KDM4A: variants seen among roughly 807,000 people sequenced by gnomAD.
KDM4A encodes lysine-specific demethylase 4A.
KDM4A carries 23 observed loss-of-function variants against 127.1 expected under a neutral mutation model. The observed-to-expected ratio is 0.18, with a 90% confidence interval of 0.13 to 0.26. The LOEUF is 0.26. Ranked by LOEUF, KDM4A falls within the 10% of genes least tolerant of loss-of-function variation. The pLI is 1.00. For missense variants in KDM4A, 890 were observed against 1,329.1 expected, an observed-to-expected ratio of 0.67 and a Z score of 5.14; for synonymous variants, 443 against 466.5, an observed-to-expected ratio of 0.95 and a Z score of 0.65.
rs1262108317 is a variant in KDM4A at position 43,653,150 on chromosome 1, T to C, written c.-26T>C. 1 of 1,601,498 alleles carries C rather than the reference T, an allele frequency of 6.2e-7. No homozygotes were observed. Among genetic ancestry groups the C allele is most frequent in the Middle Eastern group, 1.7e-4 (1 of 6,000 alleles). Reference sequence around the variant, plus strand: ...GTGTTTCTTCAGATTCCTGTCTGACTAAAGGGACCTCAAAAAGGAGGGAAA... The same window carrying C: ...GTGTTTCTTCAGATTCCTGTCTGACCAAAGGGACCTCAAAAAGGAGGGAAA... On this transcript the variant is annotated 5_prime_UTR_variant, in exon 2 of 22. Coordinates refer to ENST00000372396, the MANE Select transcript of KDM4A (RefSeq NM_014663.3).
At chr1:43,686,556 C>T (rs1660986005) in intron 12 of KDM4A, among the ~76,000 whole-genome samples, 3 of 151,944 alleles carry the variant, frequency 2.0e-5, no homozygotes, top group African/African-American at 2.4e-5. Flanking sequence ...AGGCTTGTCT[C>T]GAACTCCTGA....
intron 10 of KDM4A, among the ~76,000 whole-genome samples, chr1:43,670,494 G>C (rs1660593442): frequency 6.6e-6 from 1 of 151,348 alleles, no homozygotes; most frequent in African/African-American, 2.4e-5. Context: ...CTGGGCTCAA[G>C]CAATCCTCTT....
Position 43,693,882 on chromosome 1 carries a change from G to A in KDM4A, c.2376-112G>A, listed in dbSNP as rs1307140579. On this transcript the variant is annotated intron_variant, in intron 16 of 21. Coordinates refer to ENST00000372396, the MANE Select transcript of KDM4A (RefSeq NM_014663.3). The surrounding 1 kb of genome is among the most constrained non-coding windows in gnomAD (Gnocchi z 4.2). ...TCCTGGGTCCCAGGCATGTGCTGGT[G>A]GAAGTCAGTGGTCACCCAGGTGAGG... The A allele has an allele frequency of 1.3e-6, 1 of 766,260 alleles. No individual in the cohort carries two copies. The highest frequency in any genetic ancestry group is 2.2e-6 in the Non-Finnish European group (1 of 454,596). 47.5% of individuals were successfully genotyped at this position (766,260 alleles called of 1,614,324 possible). A position where few individuals can be genotyped will look rare whatever the true frequency, so the allele number is the denominator to read the frequency against.
rs567467723 is a variant in KDM4A, at chr1:43,666,995, T to C, written c.819T>C (p.Tyr273=). ...GAGAGTTTATGATCACTTTCCCTTA[T>C]GGTTACCATGCCGGCTTTAACCATG... The part of the protein sequence containing the change: ...EAGEFMITFP[Y]GYHAGFNHGF... Residue 273 remains tyrosine (Y), a synonymous_variant, in exon 8 of 22, where the codon TAT becomes TAC. Coordinates refer to ENST00000372396, the MANE Select transcript of KDM4A (RefSeq NM_014663.3). 8.7e-6 allele frequency: 14 copies of C among 1,614,110 alleles called. No individual in the cohort carries two copies. Among genetic ancestry groups the C allele is most frequent in the Admixed American group, 6.7e-5 (4 of 60,014 alleles).
chr1:43,688,946 G>A lies in KDM4A; in HGVS notation c.1888G>A (p.Ala630Thr), dbSNP rs1661047666. The change falls in exon 13 of 22, where the codon GCT (alanine) becomes ACT (threonine). Residue 630 changes from alanine (A) to threonine (T), a missense_variant. Around this residue, in one of 7 missense-constraint regions of KDM4A, gnomAD observed 389 missense variants for 485.9 expected, o/e 0.80. Coordinates refer to ENST00000372396, the MANE Select transcript of KDM4A (RefSeq NM_014663.3). The surrounding 1 kb of genome is among the most constrained non-coding windows in gnomAD (Gnocchi z 4.4). ...TSEQLTPEEE[A>T]EETEAWAKPL... ...TGAACAGCTGACCCCTGAGGAAGAG[G>A]CTGAGGAGACAGAGGCCTGGGCCAA... is the stretch of plus-strand genomic sequence containing the variant. 1.2e-6 allele frequency: 2 copies of A among 1,614,180 alleles called. No individual in the cohort carries two copies. Among genetic ancestry groups the A allele is most frequent in the East Asian group, 4.5e-5 (2 of 44,882 alleles).
At chr1:43,668,195 G>A (rs370091894) in intron 9 of KDM4A, among the ~76,000 whole-genome samples, 176 bp downstream of exon 9, 4 of 152,054 alleles carry the variant, frequency 2.6e-5, no homozygotes, top group East Asian at 1.9e-4. Context: ...GTGCGATCTC[G>A]GCTCACTGCA....
At chr1:43,696,744 A>C (rs962815047) in intron 18 of KDM4A, among the ~76,000 whole-genome samples, 4 of 152,224 alleles carry the variant, frequency 2.6e-5, no homozygotes, top group African/African-American at 9.6e-5. Flanking sequence ...GATAATCATT[A>C]ATACTCCACA....
chr1:43,680,368 G>A (rs1660830374), intron 11 of KDM4A, among the ~76,000 whole-genome samples: 1 of 152,124 alleles, frequency 6.6e-6, no homozygotes, highest in Non-Finnish European at 1.5e-5. Flanking sequence ...CATGGAAAAG[G>A]TGTCCTCTTC....
chr1:43,670,424 A>G (rs902338099), intron 10 of KDM4A, among the ~76,000 whole-genome samples: 4 of 152,106 alleles, frequency 2.6e-5, no homozygotes, highest in African/African-American at 9.7e-5. Flanking sequence ...TGTTTTAGAA[A>G]CGGGGTCTTA....
intron 4 of KDM4A, 110 bp downstream of exon 4, chr1:43,660,522 G>A: frequency 4.2e-6 from 6 of 1,415,548 alleles, no homozygotes; most frequent in Non-Finnish European, 5.7e-6. Context: ...ATGGGTGGAT[G>A]AACAGATGAT....
intron 11 of KDM4A, among the ~76,000 whole-genome samples, chr1:43,682,152 G>A (rs770965172): frequency 5.3e-5 from 8 of 152,070 alleles, no homozygotes; most frequent in East Asian, 1.9e-4. Flanking sequence ...GTGTGGAGAC[G>A]GGGTGTTGCC....
rs1379988131 is a variant in KDM4A, at chr1:43,693,316, C to T, written c.2376-678C>T. Among the ~76,000 whole-genome samples the T allele has an allele frequency of 2.6e-5, 4 of 152,184 alleles. No homozygotes were observed. The highest frequency in any genetic ancestry group is 5.9e-5 in the Non-Finnish European group (4 of 68,036). ...ACTGCAGAGAGCTTCCATGGAGCCC[C>T]AGTGTTGTCTGGTGTAGGTTTTCAC... On this transcript the variant is annotated intron_variant, in intron 16 of 21. Coordinates refer to ENST00000372396, the MANE Select transcript of KDM4A (RefSeq NM_014663.3). The surrounding 1 kb of genome is among the most constrained non-coding windows in gnomAD (Gnocchi z 4.2).
intron 19 of KDM4A, among the ~76,000 whole-genome samples, chr1:43,701,895 T>C (rs1424875489): frequency 4.6e-5 from 7 of 152,250 alleles, no homozygotes; most frequent in African/African-American, 1.4e-4. Flanking sequence ...AAGTGTCTTA[T>C]GAGGACTTAA....
chr1:43,690,871 C>T lies in KDM4A; in HGVS notation c.2064C>T (p.Asn688=), dbSNP rs150161736. ...HQVEFGGFNQ[N]CGNASDLAPQ... is the part of the protein sequence containing the mutation. ...TTGAATTTGGAGGCTTTAATCAGAA[C>T]TGTGGAAATGCTTCAGATTTAGCCC... Residue 688 remains asparagine, a synonymous_variant, in exon 14 of 22, where the codon AAC becomes AAT. Coordinates refer to ENST00000372396, the MANE Select transcript of KDM4A (RefSeq NM_014663.3). The T allele has an allele frequency of 4.9e-5, 79 of 1,614,214 alleles. No individual in the cohort carries two copies. The African/African-American group carries it at 9.1e-4, about 19-fold the overall frequency.
intron 11 of KDM4A, among the ~76,000 whole-genome samples, chr1:43,672,636 A>G (rs1215883385): frequency 6.6e-6 from 1 of 151,870 alleles, no homozygotes; most frequent in Non-Finnish European, 1.5e-5. Context: ...CTGGGACTAC[A>G]GGCGCCCACC....
At chr1:43,680,952 A>C (rs961804847) in intron 11 of KDM4A, among the ~76,000 whole-genome samples, 2 of 152,134 alleles carry the variant, frequency 1.3e-5, no homozygotes, top group African/African-American at 4.8e-5. Flanking sequence ...ATATCCTACT[A>C]TCTCCCTTTC....
intron 19 of KDM4A, 35 bp from the exon 20 acceptor site, chr1:43,703,582 G>A (rs114981276): frequency 4.3e-6 from 7 of 1,611,174 alleles, no homozygotes; most frequent in Admixed American, 1.7e-5. Flanking sequence ...GCAGGTGGAC[G>A]TTCCTTTCAC....
chr1:43,672,099 T>C (rs1660633034), intron 11 of KDM4A, among the ~76,000 whole-genome samples: 1 of 152,240 alleles, frequency 6.6e-6, no homozygotes, highest in Non-Finnish European at 1.5e-5. Context: ...GTTGCTTTTC[T>C]GTTATCCCTG....
chr1:43,656,185 C>T (rs1660232431), intron 3 of KDM4A, among the ~76,000 whole-genome samples: 1 of 152,164 alleles, frequency 6.6e-6, no homozygotes. Flanking sequence ...CCTGCTAGCT[C>T]ATTTCTGTTT....
Sources: allele counts gnomAD v4.1 joint callset (sites outside exome capture counted in the v4.1 genomes callset), GRCh38; gene constraint gnomAD v4.1.1; regional missense constraint gnomAD v4.1.1; non-coding constraint Gnocchi (gnomAD v3.1); transcripts MANE v1.5; gene names NCBI Gene and HGNC (gene_info 2026-07-23, HGNC 2026-07-21).